Variants in GTF3C3 observed in about 807,000 individuals in gnomAD.
GTF3C3 encodes general transcription factor 3C polypeptide 3.
A neutral mutation model predicts 105.2 loss-of-function variants in GTF3C3; 75 were observed. The ratio of observed to expected loss-of-function variants is 0.71; its 90% confidence interval spans 0.59 to 0.86. The LOEUF (loss-of-function observed/expected upper bound fraction) is 0.86, where lower values mean the gene tolerates loss of function less well. Among genes scored for constraint, GTF3C3 ranks in the 40% least tolerant of loss-of-function variants. GTF3C3 has a pLI of 0.00. For missense variants in GTF3C3, 856 were observed against 1,076.5 expected, an observed-to-expected ratio of 0.80 and a Z score of 2.87; for synonymous variants, 335 against 370.4, an observed-to-expected ratio of 0.90 and a Z score of 1.10.
At chr2:196,772,012 A>G in intron 14 of GTF3C3, 74 bp from the exon 15 acceptor site, 1 of 957,528 alleles carries the variant, frequency 1.0e-6, no homozygotes, top group Non-Finnish European at 1.7e-6. Context: ...GAAACCCTTC[A>G]GTGCTGTCCT....
At chr2:196,787,797 A>G (rs1053775019) in intron 6 of GTF3C3, among the ~76,000 whole-genome samples, 3 of 152,188 alleles carry the variant, frequency 2.0e-5, no homozygotes, top group Non-Finnish European at 2.9e-5. Context: ...AACTTGTTCA[A>G]TAGTGGATAC....
chr2:196,763,240 T>G lies in GTF3C3; in HGVS notation c.*1323A>C, dbSNP rs1454583218. 3 of 152,080 alleles carry G rather than the reference T, an allele frequency of 2.0e-5. No homozygotes were observed. Among genetic ancestry groups the G allele is most frequent in the African/African-American group, 7.2e-5 (3 of 41,408 alleles). The allele number at this position is 152,080 out of a possible 1,614,324, so 9.4% of individuals were successfully genotyped here. A position where few individuals can be genotyped will look rare whatever the true frequency, so the allele number is the denominator to read the frequency against. On this transcript the variant is annotated 3_prime_UTR_variant, in exon 18 of 18. Transcript: ENST00000263956. Reference sequence around the variant, plus strand: ...ACAAAACTATACAATATCAGCTGGTTTTTTTTTCCCTTAGGGAGACTTATT... The same window carrying G: ...ACAAAACTATACAATATCAGCTGGTGTTTTTTTCCCTTAGGGAGACTTATT...
intron 13 of GTF3C3, chr2:196,773,664 C>T: frequency 2.3e-6 from 1 of 433,020 alleles, no homozygotes; most frequent in Non-Finnish European, 4.6e-6. Context: ...AATTGTACAA[C>T]TCACCATAAT....
chr2:196,767,309 T>C (rs1412350176), intron 16 of GTF3C3, among the ~76,000 whole-genome samples: 1 of 152,196 alleles, frequency 6.6e-6, no homozygotes, highest in Non-Finnish European at 1.5e-5. Flanking sequence ...TCCCTGTGGG[T>C]CACACAGTCC....
At position 196,792,958 on chromosome 2, in the gene GTF3C3, T is replaced by C; in HGVS notation, c.409A>G (p.Lys137Glu). 6.2e-7 allele frequency: 1 copy of C among 1,603,602 alleles called. No homozygotes were observed. The highest frequency in any genetic ancestry group is 8.5e-7 in the Non-Finnish European group (1 of 1,171,848). The change falls in exon 3 of 18, where the codon AAA becomes GAA. Residue 137 changes from lysine (K) to glutamate (E), a missense_variant and splice_region_variant. By Grantham distance (56) the Lys-to-Glu change is moderately conservative. Coordinates refer to ENST00000263956, the MANE Select transcript of GTF3C3 (RefSeq NM_012086.5). ...VLNRETKKMM[K>E]EKRPRSKLPR... ...TACCAAAATAAGTAAAAATTTACTT[T>C]CATCATTTTCTTGGTTTCACGATTG...
At chr2:196,790,510 T>C (rs975929651) in intron 4 of GTF3C3, among the ~76,000 whole-genome samples, 3 of 152,182 alleles carry the variant, frequency 2.0e-5, no homozygotes, top group African/African-American at 7.2e-5. Context: ...GATATCAAAG[T>C]GACTGGCTAA....
intron 3 of GTF3C3, 55 bp from the exon 4 acceptor site, chr2:196,791,515 A>G: frequency 6.8e-7 from 1 of 1,468,312 alleles, no homozygotes; most frequent in Non-Finnish European, 9.3e-7. Flanking sequence ...CTTAGATTTC[A>G]ATTCCAGCCA....
Position 196,764,163 on chromosome 2 carries a change from TTAA to T in GTF3C3, c.*397_*399del, listed in dbSNP as rs1163853444. 4 of 153,322 alleles carry T rather than the reference TTAA, an allele frequency of 2.6e-5. No homozygotes were observed. The highest frequency in any genetic ancestry group is 9.6e-5 in the African/African-American group (4 of 41,494). The allele number at this position is 153,322 out of a possible 1,614,324, so 9.5% of individuals were successfully genotyped here. A position where few individuals can be genotyped will look rare whatever the true frequency, so the allele number is the denominator to read the frequency against. On this transcript the variant is annotated 3_prime_UTR_variant, in exon 18 of 18. Coordinates refer to ENST00000263956, the MANE Select transcript of GTF3C3 (RefSeq NM_012086.5). Reference sequence around the variant, plus strand: ...TAAAGAGTCCCACTTTGTCTTTCCTTTAATAATAAGCAACCTCTGTTTATACGT... The same window carrying T: ...TAAAGAGTCCCACTTTGTCTTTCCTTTAATAAGCAACCTCTGTTTATACGT...
At chr2:196,766,010 CAAAAAAAAAA>C (rs11424716) in intron 17 of GTF3C3, among the ~76,000 whole-genome samples, 4 of 87,172 alleles carry the variant, frequency 4.6e-5, no homozygotes, top group African/African-American at 9.0e-5. Context: ...ACTCTGTCTC[CAAAAAAAAAA>C]AAAAAAAAAA....
Position 196,780,647 on chromosome 2 carries a change from G to A in GTF3C3, c.1130C>T (p.Thr377Ile). The change falls in exon 9 of 18, where the codon ACC (threonine) becomes ATC (isoleucine). Residue 377 changes from threonine (T) to isoleucine (I), a missense_variant. By Grantham distance (89) the Thr-to-Ile change is moderately conservative (BLOSUM62 -1). This residue lies in a region of GTF3C3 where 605 missense variants were observed against 833.6 expected (regional missense o/e 0.73). Coordinates refer to ENST00000263956, the MANE Select transcript of GTF3C3 (RefSeq NM_012086.5). ...TGGCACGCCATCAGGTATAGTGCAGGTAACATTCTCAGGAGCTGGAGAATA... is the reference window on the plus strand; with the variant it reads ...TGGCACGCCATCAGGTATAGTGCAGATAACATTCTCAGGAGCTGGAGAATA... ...SEENKAPENV[T>I]CTIPDGVPID... 1 of 1,611,650 alleles carries A rather than the reference G, an allele frequency of 6.2e-7. No individual in the cohort carries two copies. Among genetic ancestry groups the A allele is most frequent in the Non-Finnish European group, 8.5e-7 (1 of 1,178,236 alleles).
At chr2:196,781,357 A>AAAAAAAAATATAT in intron 8 of GTF3C3, among the ~76,000 whole-genome samples, 2 of 18,816 alleles carry the variant, frequency 1.1e-4, no homozygotes, top group African/African-American at 2.1e-4. Flanking sequence ...AAAAAAAAAA[A>AAAAAAAAATATAT]ATATATATAT....
chr2:196,796,098 A>G (rs1443403386), intron 2 of GTF3C3, among the ~76,000 whole-genome samples: 1 of 152,338 alleles, frequency 6.6e-6, no homozygotes, highest in African/African-American at 2.4e-5. Context: ...TAGTGACCAT[A>G]TATTTCAATT....
chr2:196,798,662 G>C (rs976306360), intron 1 of GTF3C3, among the ~76,000 whole-genome samples: 2 of 152,096 alleles, frequency 1.3e-5, no homozygotes, highest in Admixed American at 1.3e-4. Flanking sequence ...AGGAGTTTGA[G>C]ACCATCCTGG....
At chr2:196,767,451 G>C (rs1699087722) in intron 16 of GTF3C3, among the ~76,000 whole-genome samples, 1 of 152,046 alleles carries the variant, frequency 6.6e-6, no homozygotes, top group African/African-American at 2.4e-5. Flanking sequence ...TATATTACCA[G>C]ATAATTAAGA....
chr2:196,764,130 T>TGACA lies in GTF3C3; in HGVS notation c.*429_*432dup, dbSNP rs1699017836. 1 of 152,542 alleles carries TGACA rather than the reference T, an allele frequency of 6.6e-6. No homozygotes were observed. Among genetic ancestry groups the TGACA allele is most frequent in the Non-Finnish European group, 1.5e-5 (1 of 68,242 alleles). The allele number at this position is 152,542 out of a possible 1,614,324, so 9.4% of individuals were successfully genotyped here. A position where few individuals can be genotyped will look rare whatever the true frequency, so the allele number is the denominator to read the frequency against. On this transcript the variant is annotated 3_prime_UTR_variant, in exon 18 of 18. Coordinates refer to ENST00000263956, the MANE Select transcript of GTF3C3 (RefSeq NM_012086.5). ...CTTAGGTGCTTAGTTATCATGGTCA[T>TGACA]GACATCATAAAGAGTCCCACTTTGT...
intron 15 of GTF3C3, among the ~76,000 whole-genome samples, chr2:196,771,098 C>T (rs938825429): frequency 1.3e-5 from 2 of 152,058 alleles, no homozygotes; most frequent in African/African-American, 4.8e-5. Context: ...TGTTTTTCTA[C>T]TTGTTTGCTT....
At chr2:196,791,709 G>T in intron 3 of GTF3C3, 1 of 334,874 alleles carries the variant, frequency 3.0e-6, no homozygotes, top group South Asian at 3.9e-5. Flanking sequence ...GCTGAAGCAG[G>T]CGGATCACCT....
intron 16 of GTF3C3, among the ~76,000 whole-genome samples, chr2:196,768,485 A>G (rs1017847646): frequency 2.6e-5 from 4 of 152,204 alleles, no homozygotes; most frequent in East Asian, 1.9e-4. Flanking sequence ...TTTTAATACA[A>G]TATAAAGGTA....
intron 8 of GTF3C3, among the ~76,000 whole-genome samples, chr2:196,781,386 AT>A: frequency 7.7e-6 from 1 of 130,598 alleles, no homozygotes; most frequent in Admixed American, 7.9e-5. Context: ...ATATATATAT[AT>A]AAAATTAAAT....
Sources: allele counts gnomAD v4.1 joint callset (sites outside exome capture counted in the v4.1 genomes callset), GRCh38; gene constraint gnomAD v4.1.1; regional missense constraint gnomAD v4.1.1; transcripts MANE v1.5; gene names NCBI Gene and HGNC (gene_info 2026-07-23, HGNC 2026-07-21).